The following ACLY variants were observed in gnomAD, a reference collection of about 807,000 sequenced individuals.
The protein encoded by ACLY is ATP citrate lyase, also known as ATP-citrate synthase.
ACLY carries 41 observed loss-of-function variants against 133.0 expected under a neutral mutation model. The ratio of observed to expected loss-of-function variants is 0.31; its 90% CI spans 0.24 to 0.40. ACLY has a LOEUF of 0.40. Among genes scored for constraint, ACLY ranks in the 10% least tolerant of loss-of-function variants. The pLI is 1.00. For synonymous variants in ACLY, 495 were observed against 549.3 expected (o/e 0.90, Z 1.38); for missense variants, 1,046 against 1,453.8 (o/e 0.72, Z 4.56).
upstream of ACLY, chr17:41,919,164 A>T: frequency 1.1e-6 from 1 of 922,758 alleles, no homozygotes; most frequent in Non-Finnish European, 1.4e-6. Context: ...TGGCCCATCC[A>T]CCGCCTCTTG....
intron 20 of ACLY, among the ~76,000 whole-genome samples, chr17:41,882,366 CCA>C (rs1491307587): frequency 2.1e-4 from 1 of 4,670 alleles, no homozygotes; most frequent in African/African-American, 5.4e-4. Flanking sequence ...GACCCTGTCT[CCA>C]AAAAAAAAAA....
intron 1 of ACLY, among the ~76,000 whole-genome samples, chr17:41,914,696 C>T (rs2050004394): frequency 6.6e-6 from 1 of 152,182 alleles, no homozygotes; most frequent in Non-Finnish European, 1.5e-5. Context: ...GAACAGATGC[C>T]TCTCTGGGGA....
intron 25 of ACLY, among the ~76,000 whole-genome samples, chr17:41,871,334 C>G (rs1255060589): frequency 1.3e-5 from 2 of 151,964 alleles, no homozygotes; most frequent in Non-Finnish European, 2.9e-5. Flanking sequence ...CACCACCCAC[C>G]CAGTAGATCC....
intron 16 of ACLY, among the ~76,000 whole-genome samples, chr17:41,889,497 T>C (rs1025137519): frequency 1.8e-5 from 2 of 111,166 alleles, no homozygotes; most frequent in Non-Finnish European, 3.3e-5. Flanking sequence ...CACTCTAGCT[T>C]GGGTGATGGA....
intron 1 of ACLY, among the ~76,000 whole-genome samples, chr17:41,925,881 G>A (rs1428149832): frequency 6.6e-6 from 1 of 151,370 alleles, no homozygotes; most frequent in Non-Finnish European, 1.5e-5. Context: ...GTCTTGCTCT[G>A]TCGCCCAGGC....
rs1555628125 is a variant in ACLY, at chr17:41,886,285, G to A, written c.1899C>T (p.Cys633=). Residue 633 remains cysteine, a synonymous_variant, in exon 18 of 29, where the codon TGC becomes TGT. Coordinates refer to ENST00000352035, the MANE Select transcript of ACLY (RefSeq NM_001096.3). The part of the protein sequence containing the change: ...PATVGGIKPG[C]FKIGNTGGML... Reference sequence around the variant, plus strand: ...TCCCACCTGTGTTGCCAATCTTAAAGCACCCAGGCTTGATGCCTCCAACCT... The same window carrying A: ...TCCCACCTGTGTTGCCAATCTTAAAACACCCAGGCTTGATGCCTCCAACCT... 11 of 1,613,058 alleles carry A rather than the reference G, an allele frequency of 6.8e-6. No homozygotes were observed. The South Asian group carries it at 9.9e-5, about 14-fold the overall frequency.
intron 7 of ACLY, among the ~76,000 whole-genome samples, chr17:41,907,167 G>A (rs1404728332): frequency 1.3e-5 from 2 of 152,136 alleles, no homozygotes; most frequent in East Asian, 3.9e-4. Context: ...GGATTAAGGC[G>A]AGACACTTGG....
At chr17:41,900,222 G>C (rs1204211109) in intron 11 of ACLY, among the ~76,000 whole-genome samples, 2 of 151,652 alleles carry the variant, frequency 1.3e-5, no homozygotes, top group African/African-American at 4.8e-5. Context: ...AATTAGACAG[G>C]TGTGGTGGCA....
intron 5 of ACLY, 43 bp from the exon 6 acceptor site, chr17:41,909,111 G>A: frequency 2.0e-6 from 3 of 1,490,352 alleles, no homozygotes; most frequent in Non-Finnish European, 2.8e-6. Flanking sequence ...CCATCAGGGA[G>A]CAGCTCGGCA....
chr17:41,923,030 A>G (rs782157611), upstream of ACLY, among the ~76,000 whole-genome samples: 9 of 152,140 alleles, frequency 5.9e-5, no homozygotes, highest in African/African-American at 9.7e-5. Flanking sequence ...TCTATTTTCT[A>G]ACTTAAAAGC....
chr17:41,909,575 A>G lies in ACLY; in HGVS notation c.471T>C (p.Asp157=). 1 of 1,614,082 alleles carries G rather than the reference A, an allele frequency of 6.2e-7. No homozygotes were observed. Among genetic ancestry groups the G allele is most frequent in the Admixed American group, 1.7e-5 (1 of 60,024 alleles). ...AKAQKLLVGV[D]EKLNPEDIKK... is the part of the protein sequence containing the mutation. ...TGATGTCCTCAGGATTCAGTTTCTC[A>G]TCCACGCCAACAAGCAGCTTCTGGG... The change falls in exon 5 of 29, where the codon GAT becomes GAC. Residue 157 remains aspartate (D), a synonymous_variant. Coordinates refer to ENST00000352035, the MANE Select transcript of ACLY (RefSeq NM_001096.3).
In ACLY at chr17:41,903,150, C is replaced by T. The variant is rs371620804; in HGVS notation, c.1066-1337G>A. Among the ~76,000 whole-genome samples, 6 of 152,282 alleles carry T rather than the reference C, an allele frequency of 3.9e-5. No individual in the cohort carries two copies. The East Asian group carries it at 5.8e-4, about 15-fold the overall frequency. Reference sequence around the variant, plus strand: ...ACTTATCTAGTCATTATTCTCAAAACTCACATGGATCCACCACCAGATGTG... The same window carrying T: ...ACTTATCTAGTCATTATTCTCAAAATTCACATGGATCCACCACCAGATGTG... On this transcript the variant is annotated intron_variant, in intron 10 of 28. Coordinates refer to ENST00000352035, the MANE Select transcript of ACLY (RefSeq NM_001096.3).
At chr17:41,884,113 C>T in intron 19 of ACLY, 80 bp downstream of exon 19, 1 of 883,632 alleles carries the variant, frequency 1.1e-6, no homozygotes, top group South Asian at 1.4e-5. Context: ...TACATGTAAC[C>T]AAAATGTTTT....
chr17:41,893,727 G>A (rs2049281320), intron 14 of ACLY, among the ~76,000 whole-genome samples: 3 of 152,234 alleles, frequency 2.0e-5, no homozygotes, highest in African/African-American at 7.2e-5. Flanking sequence ...AGCCGGGGCT[G>A]AGGACACAGC....
chr17:41,889,875 G>A (rs913814552), intron 16 of ACLY, among the ~76,000 whole-genome samples: 9 of 151,952 alleles, frequency 5.9e-5, no homozygotes, highest in Admixed American at 1.3e-4. Context: ...TAGTAGAGGC[G>A]GTGGCCAGGC....
Position 41,910,018 on chromosome 17 carries a change from C to T in ACLY, c.345+204G>A, listed in dbSNP as rs376527028. ...TTGGAAGTCCCCTTTGTTACCAGTC[C>T]TAACTCCTCTCTGCTGTAGACCAAG... On this transcript the variant is annotated intron_variant, in intron 4 of 28. Coordinates refer to ENST00000352035, the MANE Select transcript of ACLY (RefSeq NM_001096.3). 3.5e-4 allele frequency among the ~76,000 whole-genome samples: 53 copies of T among 152,284 alleles called. 1 individual carries two copies. The South Asian group carries it at 0.01, about 29-fold the overall frequency.
intron 13 of ACLY, among the ~76,000 whole-genome samples, chr17:41,897,073 T>C (rs2049388867): frequency 6.6e-6 from 1 of 152,190 alleles, no homozygotes; most frequent in Admixed American, 6.5e-5. Flanking sequence ...ACCCGTGCCA[T>C]GGACAAGGAT....
At chr17:41,913,610 A>G (rs1239322307) in intron 2 of ACLY, 105 bp downstream of exon 2, 2 of 1,242,280 alleles carry the variant, frequency 1.6e-6, no homozygotes, top group South Asian at 1.4e-5. Flanking sequence ...TGCTGCTGGC[A>G]GCCTCCAACC....
chr17:41,905,736 C>G, intron 8 of ACLY, 78 bp from the exon 9 acceptor site: 1 of 1,568,672 alleles, frequency 6.4e-7, no homozygotes, highest in East Asian at 2.2e-5. Context: ...GGAGGACACA[C>G]GGATCCCTCA....
Sources: allele counts gnomAD v4.1 joint callset (sites outside exome capture counted in the v4.1 genomes callset), GRCh38; gene constraint gnomAD v4.1.1; transcripts MANE v1.5; gene names NCBI Gene and HGNC (gene_info 2026-07-23, HGNC 2026-07-21).